CTNND2: variants seen among roughly 807,000 people sequenced by gnomAD.
CTNND2 encodes catenin delta-2.
In CTNND2, 22 loss-of-function variants were observed where a neutral mutation model predicts 144.4. That is an observed-to-expected ratio of 0.15 (90% CI 0.11 to 0.22). The LOEUF (loss-of-function observed/expected upper bound fraction) is 0.22, where lower values mean the gene tolerates loss of function less well. Ranked by LOEUF, CTNND2 falls within the 10% of genes least tolerant of loss-of-function variation. The pLI is 1.00. For missense variants in CTNND2, 1,353 were observed against 1,618.8 expected, an observed-to-expected ratio of 0.84 and a Z score of 2.82; for synonymous variants, 751 against 695.6, an observed-to-expected ratio of 1.08 and a Z score of -1.25.
intron 15 of CTNND2, among the ~76,000 whole-genome samples, chr5:11,085,296 G>A (rs775817867): frequency 3.5e-4 from 53 of 152,184 alleles, no homozygotes; most frequent in Admixed American, 1.7e-3. Flanking sequence ...CCAGACAATA[G>A]ATTTGATATT....
At chr5:11,330,035 T>A (rs2149713797) in intron 9 of CTNND2, among the ~76,000 whole-genome samples, 1 of 152,278 alleles carries the variant, frequency 6.6e-6, no homozygotes, top group East Asian at 1.9e-4. Flanking sequence ...ATACAGGAAC[T>A]TCAGCAGACA....
At chr5:11,174,491 C>A (rs778835810) in intron 11 of CTNND2, among the ~76,000 whole-genome samples, 7 of 152,086 alleles carry the variant, frequency 4.6e-5, no homozygotes, top group Non-Finnish European at 7.4e-5. Flanking sequence ...CAGTGGAAAC[C>A]TTCTTCTGTT....
At chr5:11,870,140 T>C (rs1795960364) in intron 1 of CTNND2, among the ~76,000 whole-genome samples, 1 of 152,000 alleles carries the variant, frequency 6.6e-6, no homozygotes, top group South Asian at 2.1e-4. Flanking sequence ...GCGATAGGGG[T>C]TGGGTCCACG....
rs573480356 is a variant in CTNND2, at chr5:11,874,011, C to T, written c.37+29806G>A. Among the ~76,000 whole-genome samples the T allele has an allele frequency of 1.1e-4, 17 of 152,328 alleles. 2 individuals carry two copies. The South Asian group carries it at 3.3e-3, about 30-fold the overall frequency. ...AAATCAAGTGCCCTCACAACACAGA[C>T]ATCCAAGCCCTACTATTCAGCAGTG... On this transcript the variant is annotated intron_variant, in intron 1 of 21. Transcript: ENST00000304623.
chr5:11,193,767 A>T (rs1736583580), intron 11 of CTNND2, among the ~76,000 whole-genome samples: 1 of 152,072 alleles, frequency 6.6e-6, no homozygotes, highest in African/African-American at 2.4e-5. Context: ...GTGAAGGAAA[A>T]ATAGGCTGGG....
chr5:11,053,025 G>GC (rs780411145), intron 16 of CTNND2, among the ~76,000 whole-genome samples: 1 of 152,104 alleles, frequency 6.6e-6, no homozygotes, highest in Non-Finnish European at 1.5e-5. Flanking sequence ...GTCTCTTAAA[G>GC]ATATGACTTA....
chr5:11,016,598 T>C (rs1741625502), intron 18 of CTNND2, among the ~76,000 whole-genome samples: 1 of 152,156 alleles, frequency 6.6e-6, no homozygotes, highest in Admixed American at 6.5e-5. Context: ...GCAGCAATGA[T>C]CTTGGCTTTC....
At chr5:11,119,206 TTAAAA>T (rs1293924954) in intron 12 of CTNND2, among the ~76,000 whole-genome samples, 17 of 152,268 alleles carry the variant, frequency 1.1e-4, no homozygotes, top group South Asian at 2.1e-4. Flanking sequence ...TTTTTAAGAA[TTAAAA>T]TAAAATAAAA....
At chr5:11,464,105 A>G (rs890767914) in intron 3 of CTNND2, among the ~76,000 whole-genome samples, 1 of 152,222 alleles carries the variant, frequency 6.6e-6, no homozygotes, top group African/African-American at 2.4e-5. Context: ...GATTTTGTTC[A>G]TTCATTCATC....
At chr5:11,113,764 G>A (rs1352396586) in intron 13 of CTNND2, among the ~76,000 whole-genome samples, 1 of 152,224 alleles carries the variant, frequency 6.6e-6, no homozygotes, top group Non-Finnish European at 1.5e-5. Flanking sequence ...CCACCAGACT[G>A]AGCTGCTTCT....
At chr5:10,984,069 C>G (rs1326465219) in intron 20 of CTNND2, among the ~76,000 whole-genome samples, 1 of 152,162 alleles carries the variant, frequency 6.6e-6, no homozygotes, top group South Asian at 2.1e-4. Flanking sequence ...CCGCCTGCAC[C>G]CCCATCTCAT....
intron 3 of CTNND2, among the ~76,000 whole-genome samples, chr5:11,460,497 C>T (rs1251541659): frequency 1.3e-5 from 2 of 152,144 alleles, no homozygotes; most frequent in Admixed American, 6.5e-5. Flanking sequence ...CAAAAATATG[C>T]ACCTTCTACT....
chr5:11,424,836 G>A (rs1190562578), intron 3 of CTNND2, among the ~76,000 whole-genome samples: 3 of 152,040 alleles, frequency 2.0e-5, no homozygotes, highest in Non-Finnish European at 4.4e-5. Flanking sequence ...AAGGAAGGAA[G>A]ATGGAATAAA....
At chr5:11,839,576 CAT>C (rs1285054805) in intron 1 of CTNND2, among the ~76,000 whole-genome samples, 1 of 152,116 alleles carries the variant, frequency 6.6e-6, no homozygotes, top group Non-Finnish European at 1.5e-5. Flanking sequence ...AGACAGCCCA[CAT>C]GTTTGATGCC....
At chr5:11,510,892 C>T (rs760135676) in intron 3 of CTNND2, among the ~76,000 whole-genome samples, 8 of 151,182 alleles carry the variant, frequency 5.3e-5, no homozygotes, top group Non-Finnish European at 1.0e-4. Flanking sequence ...GATTGAGCTA[C>T]TGCACCCTAG....
chr5:11,042,448 G>T (rs547046463), intron 16 of CTNND2, among the ~76,000 whole-genome samples: 1 of 152,324 alleles, frequency 6.6e-6, no homozygotes, highest in East Asian at 1.9e-4. Flanking sequence ...TGGCATTAAA[G>T]AAGGATATGT....
chr5:11,035,118 C>A (rs888700324), intron 16 of CTNND2, among the ~76,000 whole-genome samples: 4 of 147,372 alleles, frequency 2.7e-5, no homozygotes, highest in Admixed American at 7.0e-5. Context: ...TGAGAATATG[C>A]GGTGTTTGGT....
intron 2 of CTNND2, among the ~76,000 whole-genome samples, chr5:11,671,684 T>C (rs1783880918): frequency 2.6e-5 from 4 of 152,056 alleles, no homozygotes; most frequent in Non-Finnish European, 5.9e-5. Context: ...CGTCTAACCT[T>C]TTTTCAAGGT....
intron 2 of CTNND2, among the ~76,000 whole-genome samples, chr5:11,716,114 TG>T (rs998911381): frequency 2.6e-5 from 4 of 152,194 alleles, no homozygotes; most frequent in African/African-American, 9.6e-5. Context: ...ATGGGGTATC[TG>T]GACTATTCAC....
Sources: allele counts gnomAD v4.1 joint callset (sites outside exome capture counted in the v4.1 genomes callset), GRCh38; gene constraint gnomAD v4.1.1; transcripts MANE v1.5; gene names NCBI Gene and HGNC (gene_info 2026-07-23, HGNC 2026-07-21).